Variants in NLRP9 observed in about 807,000 individuals in gnomAD.
The protein encoded by NLRP9 is NLR family pyrin domain containing 9.
Under a neutral mutation model 83.1 loss-of-function variants are expected in NLRP9, and 88 were observed. The observed-to-expected ratio is 1.06, with a 90% CI of 0.89 to 1.26. The LOEUF (loss-of-function observed/expected upper bound fraction) is 1.26. Among genes scored for constraint, NLRP9 ranks in the 50% most tolerant of loss-of-function variants. The probability of loss-of-function intolerance (pLI) is 0.00; values close to 1 mark genes in which losing one functional copy is unlikely to be tolerated. For synonymous variants in NLRP9, 521 were observed against 447.6 expected (o/e 1.16, Z -2.07); for missense variants, 1,308 against 1,179.3 (o/e 1.11, Z -1.60).
intron 4 of NLRP9, among the ~76,000 whole-genome samples, chr19:55,719,557 T>C (rs979483593): frequency 6.6e-6 from 1 of 152,240 alleles, no homozygotes; most frequent in African/African-American, 2.4e-5. Context: ...TGATAATTTT[T>C]TAAAAGCTCC....
Position 55,723,966 on chromosome 19 carries a change from C to T in NLRP9, c.2159+14G>A, listed in dbSNP as rs1988317025. ...GGAAAGAAACAGCACTCGGCATGAACAGCCCGGACTTACATCAGCTCTTCT... is the reference window on the plus strand; with the variant it reads ...GGAAAGAAACAGCACTCGGCATGAATAGCCCGGACTTACATCAGCTCTTCT... On this transcript the variant is annotated intron_variant, in intron 4 of 8. Coordinates refer to ENST00000332836, the MANE Select transcript of NLRP9 (RefSeq NM_176820.4). The T allele has an allele frequency of 1.9e-6, 3 of 1,598,286 alleles. No homozygotes were observed. Among genetic ancestry groups the T allele is most frequent in the African/African-American group, 2.7e-5 (2 of 74,066 alleles).
Position 55,738,377 on chromosome 19 carries a change from C to A in NLRP9, c.-3G>T, listed in dbSNP as rs370767891. Reference sequence around the variant, plus strand: ...TCCGAAAAAAAAGATTCTGCCATATCGCCCCAGGATTGTGAACTGAGGTGT... The same window carrying A: ...TCCGAAAAAAAAGATTCTGCCATATAGCCCCAGGATTGTGAACTGAGGTGT... On this transcript the variant is annotated 5_prime_UTR_variant, in exon 1 of 9. Coordinates refer to ENST00000332836, the MANE Select transcript of NLRP9 (RefSeq NM_176820.4). 1 of 1,612,092 alleles carries A rather than the reference C, an allele frequency of 6.2e-7. No homozygotes were observed. The highest frequency in any genetic ancestry group is 8.5e-7 in the Non-Finnish European group (1 of 1,179,612).
Position 55,711,919 on chromosome 19 carries a change from T to A in NLRP9, c.2724A>T (p.Ala908=). The part of the protein sequence containing the change: ...TRACCDDIAA[A]LIACKTLRSL... ...TCCTCAGTGTTTTGCAGGCGATGAGTGCTGCGGCGATGTCGTCGCAGCAGG... is the reference window on the plus strand; with the variant it reads ...TCCTCAGTGTTTTGCAGGCGATGAGAGCTGCGGCGATGTCGTCGCAGCAGG... The change falls in exon 8 of 9, where the codon GCA becomes GCT. Residue 908 remains alanine, a synonymous_variant. Transcript: ENST00000332836. The A allele has an allele frequency of 6.2e-7, 1 of 1,613,114 alleles. No homozygotes were observed. The highest frequency in any genetic ancestry group is 8.5e-7 in the Non-Finnish European group (1 of 1,179,930).
chr19:55,716,881 A>G lies in NLRP9; in HGVS notation c.2177T>C (p.Ile726Thr), dbSNP rs765116749. ...IEELILGKCD[I>T]SSEVCEDIAS... ...GATGTCTTCACAAACTTCACTGGAGATGTCACACTTTCCCAGTCTACATGT... is the reference window on the plus strand; with the variant it reads ...GATGTCTTCACAAACTTCACTGGAGGTGTCACACTTTCCCAGTCTACATGT... Residue 726 changes from isoleucine to threonine, a missense_variant, in exon 5 of 9, where the codon ATC (isoleucine) becomes ACC (threonine). Ile to Thr is a moderately conservative substitution (Grantham distance 89). Transcript: ENST00000332836. 4 of 1,613,730 alleles carry G rather than the reference A, an allele frequency of 2.5e-6. No homozygotes were observed. The Admixed American group carries it at 5.0e-5, about 20-fold the overall frequency.
chr19:55,729,290 G>A (rs1462625638), intron 3 of NLRP9, among the ~76,000 whole-genome samples: 1 of 150,466 alleles, frequency 6.6e-6, no homozygotes, highest in African/African-American at 2.4e-5. Context: ...CAACGTGCAG[G>A]TTTGTTACTT....
chr19:55,711,408 A>C, intron 8 of NLRP9: 1 of 1,276,958 alleles, frequency 7.8e-7, no homozygotes, highest in Non-Finnish European at 1.0e-6. Context: ...TTTCTGAATC[A>C]AGACCTTAGC....
rs1297079609 is a variant in NLRP9 at position 55,728,477 on chromosome 19, C to T, written c.1994+1354G>A. ...ATCCCAGTTACTCGGGAGACTGAGG[C>T]AGGAGAATCGCTTGAACCCGGGAGG... On this transcript the variant is annotated intron_variant, in intron 3 of 8. Transcript: ENST00000332836. Among the ~76,000 whole-genome samples the T allele has an allele frequency of 2.0e-5, 3 of 152,180 alleles. No homozygotes were observed. In the East Asian group the frequency reaches 5.8e-4, roughly 29 times the overall value.
At chr19:55,736,981 A>G (rs1381344261) in intron 1 of NLRP9, among the ~76,000 whole-genome samples, 1 of 152,242 alleles carries the variant, frequency 6.6e-6, no homozygotes, top group Non-Finnish European at 1.5e-5. Flanking sequence ...TGAACAAAAC[A>G]GAAGTAAACG....
At chr19:55,715,021 C>T (rs759620210) in intron 6 of NLRP9, 34 bp downstream of exon 6, 2 of 1,575,218 alleles carry the variant, frequency 1.3e-6, no homozygotes, top group East Asian at 4.5e-5. Flanking sequence ...AAAAAAGAAA[C>T]CCTGACATTG....
At chr19:55,736,879 G>A (rs1257287569) in intron 1 of NLRP9, among the ~76,000 whole-genome samples, 1 of 151,064 alleles carries the variant, frequency 6.6e-6, no homozygotes, top group African/African-American at 2.4e-5. Context: ...AACTAACACA[G>A]CAAGCAACTC....
chr19:55,709,203 A>G, intron 8 of NLRP9, 159 bp from the exon 9 acceptor site: 2 of 501,534 alleles, frequency 4.0e-6, no homozygotes, highest in Non-Finnish European at 6.7e-6. Flanking sequence ...AATCTTTCCT[A>G]TAGGATAGGA....
chr19:55,712,642 C>G (rs1276064627), intron 6 of NLRP9, 52 bp from the exon 7 acceptor site: 3 of 1,457,322 alleles, frequency 2.1e-6, no homozygotes, highest in Middle Eastern at 4.0e-4. Context: ...TCAATCATAA[C>G]AGCCCACCTT....
At position 55,732,632 on chromosome 19, in the gene NLRP9, G is replaced by T. The variant is rs755556182; in HGVS notation, c.1199C>A (p.Ala400Glu). Reference sequence around the variant, plus strand: ...AAATGTATATGTCCAAATTCCCTCTGCAGCCAAAGCACACAGGCTTTTTAG... The same window carrying T: ...AAATGTATATGTCCAAATTCCCTCTTCAGCCAAAGCACACAGGCTTTTTAG... The part of the protein sequence containing the change: ...ARLKSLCALA[A>E]EGIWTYTFVF... The change falls in exon 2 of 9, where the codon GCA becomes GAA. Residue 400 changes from alanine to glutamate, a missense_variant. Physicochemically the swap from Ala to Glu is moderately radical, Grantham distance 107. Transcript: ENST00000332836. 6 of 1,614,094 alleles carry T rather than the reference G, an allele frequency of 3.7e-6. No individual in the cohort carries two copies. Among genetic ancestry groups the T allele is most frequent in the Non-Finnish European group, 5.1e-6 (6 of 1,179,950 alleles).
Position 55,711,894 on chromosome 19 carries a change from T to A in NLRP9, c.2749A>T (p.Ser917Cys). The A allele has an allele frequency of 6.2e-7, 1 of 1,613,246 alleles. No individual in the cohort carries two copies. Among genetic ancestry groups the A allele is most frequent in the Non-Finnish European group, 8.5e-7 (1 of 1,179,944 alleles). Residue 917 changes from serine to cysteine, a missense_variant, in exon 8 of 9, where the codon AGC becomes TGC. Transcript: ENST00000332836. ...AALIACKTLR[S>C]LNLDWIALDA... ...AAGGCAATCCAGTCGAGGTTCAGGC[T>A]CCTCAGTGTTTTGCAGGCGATGAGT...
chr19:55,716,394 G>C (rs1988013512), intron 5 of NLRP9, among the ~76,000 whole-genome samples: 1 of 151,840 alleles, frequency 6.6e-6, no homozygotes, highest in Non-Finnish European at 1.5e-5. Flanking sequence ...GAGTAGCTGG[G>C]AGTATGGGCA....
At chr19:55,711,304 T>TA in intron 8 of NLRP9, 1 of 933,824 alleles carries the variant, frequency 1.1e-6, no homozygotes, top group Non-Finnish European at 1.3e-6. Context: ...AAAATTAACA[T>TA]AAAAAATTCA....
chr19:55,712,715 G>T, intron 6 of NLRP9, 125 bp from the exon 7 acceptor site: 1 of 755,058 alleles, frequency 1.3e-6, no homozygotes, highest in Non-Finnish European at 2.1e-6. Context: ...GAGGAGGGTG[G>T]GGAGGGGAAG....
At chr19:55,735,908 G>T (rs553842584) in intron 1 of NLRP9, among the ~76,000 whole-genome samples, 1 of 151,586 alleles carries the variant, frequency 6.6e-6, no homozygotes, top group Non-Finnish European at 1.5e-5. Flanking sequence ...GGCTGGTCTC[G>T]AACTCCTGAC....
At chr19:55,714,123 C>T (rs1987916282) in intron 6 of NLRP9, among the ~76,000 whole-genome samples, 2 of 151,680 alleles carry the variant, frequency 1.3e-5, no homozygotes, top group South Asian at 4.2e-4. Context: ...GCTCTATTGA[C>T]CAACTTATCC....
Sources: allele counts gnomAD v4.1 joint callset (sites outside exome capture counted in the v4.1 genomes callset), GRCh38; gene constraint gnomAD v4.1.1; transcripts MANE v1.5; gene names NCBI Gene and HGNC (gene_info 2026-07-23, HGNC 2026-07-21).